The following MACF1 variants were observed in gnomAD, a reference collection of about 807,000 sequenced individuals.
The protein encoded by MACF1 is microtubule actin crosslinking factor 1.
MACF1 carries 193 observed loss-of-function variants against 854.8 expected under a neutral mutation model. The observed-to-expected ratio is 0.23, with a 90% CI of 0.20 to 0.25. The LOEUF is 0.25. MACF1 is among the 10% of genes least tolerant of loss of function. The pLI, the probability that MACF1 is intolerant of heterozygous loss-of-function variation, is 1.00. For missense variants in MACF1, 7,722 were observed against 8,929.1 expected (o/e 0.86, Z 5.45); for synonymous variants, 3,185 against 3,226.7 (o/e 0.99, Z 0.44).
In MACF1 at chr1:39,317,203, T is replaced by A. The variant is rs567485111; in HGVS notation, c.3589-11T>A. ...AGTATACAACCTGTTTCTGTACTTA[T>A]GTTTCCACAGCACTGGCTTAGTGAT... On this transcript the variant is annotated splice_polypyrimidine_tract_variant and intron_variant, in intron 28 of 100. Transcript: ENST00000564288. 2 of 1,612,296 alleles carry A rather than the reference T, an allele frequency of 1.2e-6. No homozygotes were observed. Among genetic ancestry groups the A allele is most frequent in the Admixed American group, 1.7e-5 (1 of 59,620 alleles).
intron 35 of MACF1, among the ~76,000 whole-genome samples, chr1:39,326,680 CAAAAAA>C (rs57108021): frequency 2.7e-5 from 2 of 72,748 alleles, no homozygotes; most frequent in African/African-American, 5.5e-5. Flanking sequence ...GACTCCATCT[CAAAAAA>C]AAAAAAAAAA....
At chr1:39,345,587 G>C (rs1647026748) in intron 40 of MACF1, among the ~76,000 whole-genome samples, 1 of 152,088 alleles carries the variant, frequency 6.6e-6, no homozygotes, top group Non-Finnish European at 1.5e-5. Context: ...CTCCAGCCTG[G>C]GTGACAGAGC....
chr1:39,329,098 C>T (rs1039405410), intron 36 of MACF1, among the ~76,000 whole-genome samples: 1 of 152,084 alleles, frequency 6.6e-6, no homozygotes, highest in Non-Finnish European at 1.5e-5. Flanking sequence ...CCTTCAATTT[C>T]TTTAAAACAG....
At chr1:39,108,772 G>A (rs941250292) in intron 2 of MACF1, among the ~76,000 whole-genome samples, 1 of 152,192 alleles carries the variant, frequency 6.6e-6, no homozygotes, top group Non-Finnish European at 1.5e-5. Flanking sequence ...GTTGATGGTG[G>A]TTGGTTAAGA....
chr1:39,243,188 G>A (rs958935530), intron 2 of MACF1, among the ~76,000 whole-genome samples: 4 of 152,148 alleles, frequency 2.6e-5, no homozygotes, highest in African/African-American at 9.7e-5. Flanking sequence ...GGCTAATGAT[G>A]TTGAGCATCT....
intron 2 of MACF1, among the ~76,000 whole-genome samples, chr1:39,117,533 GGTGT>G (rs67609869): frequency 0.022 from 3,243 of 147,636 alleles, 47 homozygotes; most frequent in South Asian, 0.037. Context: ...ACCTGCAAGA[GGTGT>G]GTGTGTGTGT....
intron 15 of MACF1, among the ~76,000 whole-genome samples, chr1:39,288,415 G>A (rs763646628): frequency 7.3e-5 from 11 of 150,668 alleles, no homozygotes; most frequent in African/African-American, 2.7e-4. Context: ...GGAGAATGGC[G>A]TGAACCAGGG....
At chr1:39,389,482 C>T (rs1489264431) in intron 58 of MACF1, among the ~76,000 whole-genome samples, 2 of 150,932 alleles carry the variant, frequency 1.3e-5, no homozygotes, top group Non-Finnish European at 2.9e-5. Context: ...GCCTCAGCCT[C>T]CCAAGTAGCT....
chr1:39,094,915 A>G (rs1466825633), intron 2 of MACF1, among the ~76,000 whole-genome samples: 1 of 151,998 alleles, frequency 6.6e-6, no homozygotes, highest in African/African-American at 2.4e-5. Flanking sequence ...AAAAACCACA[A>G]AACACACAGA....
chr1:39,399,369 A>G (rs1025246154), intron 58 of MACF1, among the ~76,000 whole-genome samples: 7 of 128,066 alleles, frequency 5.5e-5, no homozygotes, highest in African/African-American at 1.6e-4. Flanking sequence ...TTCTTTATAA[A>G]GCTTTTTTTT....
intron 56 of MACF1, among the ~76,000 whole-genome samples, chr1:39,383,164 A>G (rs888982859): frequency 5.9e-5 from 9 of 152,172 alleles, no homozygotes; most frequent in African/African-American, 1.2e-4. Flanking sequence ...GTCATTCCCA[A>G]TGAAATCCTG....
intron 58 of MACF1, among the ~76,000 whole-genome samples, chr1:39,400,774 C>T (rs1161451255): frequency 6.6e-6 from 1 of 152,120 alleles, no homozygotes; most frequent in Non-Finnish European, 1.5e-5. Context: ...TCCCAAAATG[C>T]TGGGGTTATA....
rs1314827005 is a variant in MACF1 at position 39,486,937 on chromosome 1, G to C, written c.*1143G>C. The stretch of plus-strand genomic sequence containing the variant: ...GAAACTGAAGCTCTACCAATGAACT[G>C]TTTAGAAACAAGACACACTTTTGTA... On this transcript the variant is annotated 3_prime_UTR_variant, in exon 101 of 101. Coordinates refer to ENST00000564288, the MANE Select transcript of MACF1 (RefSeq NM_001394062.1). 1.3e-5 allele frequency: 2 copies of C among 152,568 alleles called. No homozygotes were observed. Among genetic ancestry groups the C allele is most frequent in the Non-Finnish European group, 2.9e-5 (2 of 68,036 alleles). 9.5% of individuals were successfully genotyped at this position (152,568 alleles called of 1,614,324 possible). A position where few individuals can be genotyped will look rare whatever the true frequency, so the allele number is the denominator to read the frequency against.
chr1:39,167,930 T>A (rs931340562), intron 2 of MACF1, among the ~76,000 whole-genome samples: 1 of 151,984 alleles, frequency 6.6e-6, no homozygotes, highest in African/African-American at 2.4e-5. Flanking sequence ...TTATGTTGAA[T>A]GTTAGCTGGA....
chr1:39,200,410 C>G (rs1297987578), upstream of MACF1, among the ~76,000 whole-genome samples: 1 of 152,070 alleles, frequency 6.6e-6, no homozygotes, highest in East Asian at 1.9e-4. Flanking sequence ...TTTAAAATTC[C>G]AGCCTGGGCC....
chr1:39,325,429 G>A (rs1646591295), intron 35 of MACF1, among the ~76,000 whole-genome samples: 1 of 152,158 alleles, frequency 6.6e-6, no homozygotes, highest in African/African-American at 2.4e-5. Flanking sequence ...GGCAAGCAAG[G>A]CGAAACAGAA....
chr1:39,295,988 T>A, intron 20 of MACF1, 106 bp downstream of exon 20: 1 of 926,342 alleles, frequency 1.1e-6, no homozygotes, highest in Non-Finnish European at 1.6e-6. Context: ...ACCACCACCT[T>A]AAAATTTAGT....
chr1:39,481,753 G>T (rs1172058837), intron 99 of MACF1, among the ~76,000 whole-genome samples: 1 of 152,194 alleles, frequency 6.6e-6, no homozygotes, highest in East Asian at 1.9e-4. Context: ...AGTGCAGTTT[G>T]CATTCCAGCT....
chr1:39,274,633 G>A (rs899644392), intron 6 of MACF1, among the ~76,000 whole-genome samples: 1 of 152,182 alleles, frequency 6.6e-6, no homozygotes, highest in Non-Finnish European at 1.5e-5. Context: ...TGGTATCTGA[G>A]GGAGGTCCTA....
Sources: gnomAD v4.1 joint callset for allele counts (sites outside exome capture counted in the v4.1 genomes callset) on GRCh38, gnomAD v4.1.1 for gene constraint, MANE v1.5 for transcripts, NCBI Gene and HGNC (gene_info 2026-07-23, HGNC 2026-07-21) for gene names.